COL1A1: variants seen among roughly 807,000 people sequenced by gnomAD.
COL1A1 encodes collagen type I alpha 1 chain, also known as collagen alpha-1(I) chain.
In COL1A1, 21 loss-of-function variants were observed where a neutral mutation model predicts 195.7. The ratio of observed to expected loss-of-function variants is 0.11; its 90% CI spans 0.08 to 0.15. The LOEUF (loss-of-function observed/expected upper bound fraction) is 0.15, where lower values mean the gene tolerates loss of function less well. Among genes scored for constraint, COL1A1 ranks in the 10% least tolerant of loss-of-function variants. The pLI is 1.00. For synonymous variants in COL1A1, 749 were observed against 747.3 expected (o/e 1.00, Z -0.04); for missense variants, 1,365 against 2,051.0 (o/e 0.67, Z 6.46).
chr17:50,189,057 C>T lies in COL1A1; in HGVS notation c.2938-47G>A, dbSNP rs1457485728. On this transcript the variant is annotated intron_variant, in intron 40 of 50. Coordinates refer to ENST00000225964, the MANE Select transcript of COL1A1 (RefSeq NM_000088.4). The surrounding 1 kb of genome is among the most constrained non-coding windows in gnomAD (Gnocchi z 5.5). ...GGCCAGAGATAGGGTCTGGGAGGAC[C>T]CTTGAGTCCGCTGGAGTCATCTCTA... 3 of 1,580,232 alleles carry T rather than the reference C, an allele frequency of 1.9e-6. No homozygotes were observed. In the South Asian group the frequency reaches 3.3e-5, roughly 17 times the overall value.
rs765449262 is a variant in COL1A1 at position 50,192,690 on chromosome 17, G to A, written c.1879C>T (p.Pro627Ser). The change falls in exon 28 of 51, where the codon CCC (proline) becomes TCC (serine). Residue 627 changes from proline to serine, a missense_variant. Transcript: ENST00000225964. The part of the protein sequence containing the change: ...GAQGPPGPAG[P>S]AGERGEQGPA... ...CCTTGTTCACCTCTCTCGCCAGCGG[G>A]ACCCTGCACAGAGAGAACACTACAG... is the stretch of plus-strand genomic sequence containing the variant. 14 of 1,614,100 alleles carry A rather than the reference G, an allele frequency of 8.7e-6. No homozygotes were observed. The highest frequency in any genetic ancestry group is 1.2e-5 in the Non-Finnish European group (14 of 1,180,050).
chr17:50,191,328 G>T, intron 32 of COL1A1, 55 bp downstream of exon 32: 2 of 1,441,798 alleles, frequency 1.4e-6, no homozygotes, highest in Non-Finnish European at 9.8e-7. Flanking sequence ...GAGATTCAAA[G>T]CAGGCAGAGA....
At chr17:50,197,523 G>C (rs1907698690) in intron 9 of COL1A1, among the ~76,000 whole-genome samples, 1 of 152,230 alleles carries the variant, frequency 6.6e-6, no homozygotes, top group African/African-American at 2.4e-5. Context: ...CTCTAAGGTG[G>C]CTGGGGTGAG....
Position 50,196,346 on chromosome 17 carries a change from C to T in COL1A1, c.925G>A (p.Glu309Lys). 1.2e-6 allele frequency: 2 copies of T among 1,612,654 alleles called. No homozygotes were observed. Among genetic ancestry groups the T allele is most frequent in the Non-Finnish European group, 1.7e-6 (2 of 1,179,224 alleles). The change falls in exon 14 of 51, where the codon GAG becomes AAG. Residue 309 changes from glutamate (E) to lysine (K), a missense_variant. Around this residue, in one of 5 missense-constraint regions of COL1A1, gnomAD observed 226 missense variants for 372.9 expected, o/e 0.61. Transcript: ENST00000225964. ...GQMGPRGLPG[E>K]RGRPGAPGPA... ...CCAGGGGCTCCAGGGCGACCTCTCT[C>T]ACCAGGCAGGCCACGGGGGCCCTGA... is the stretch of plus-strand genomic sequence containing the variant.
rs1052919943 is a variant in COL1A1, at chr17:50,197,950, G to A, written c.641C>T (p.Ser214Leu). 1.2e-6 allele frequency: 2 copies of A among 1,614,036 alleles called. No homozygotes were observed. Among genetic ancestry groups the A allele is most frequent in the Non-Finnish European group, 1.7e-6 (2 of 1,179,950 alleles). ...PPGEPGEPGA[S>L]GPMGPRGPPG... Reference sequence around the variant, plus strand: ...TGAATCTGTATAGAGAGTGCTTACTGAAGCTCCAGGCTCGCCAGGCTCACC... The same window carrying A: ...TGAATCTGTATAGAGAGTGCTTACTAAAGCTCCAGGCTCGCCAGGCTCACC... Residue 214 changes from serine (S) to leucine (L), a missense_variant and splice_region_variant, in exon 8 of 51, where the codon TCA (serine) becomes TTA (leucine). This residue lies in a region of COL1A1 where 226 missense variants were observed against 372.9 expected (regional missense o/e 0.61). Coordinates refer to ENST00000225964, the MANE Select transcript of COL1A1 (RefSeq NM_000088.4).
At position 50,193,841 on chromosome 17, in the gene COL1A1, A is replaced by G. The variant is rs566523625; in HGVS notation, c.1767+102T>C. 1.9e-6 allele frequency: 2 copies of G among 1,045,486 alleles called. 1 individual carries two copies. The highest frequency in any genetic ancestry group is 3.6e-5 in the Admixed American group (2 of 55,094). 64.8% of individuals were successfully genotyped at this position (1,045,486 alleles called of 1,614,324 possible). ...GTCCAGAAAGTGAGAGTGAGTGGCC[A>G]CACGGCAGGTCAGCGGCACAGCTGA... On this transcript the variant is annotated intron_variant, in intron 25 of 50. Coordinates refer to ENST00000225964, the MANE Select transcript of COL1A1 (RefSeq NM_000088.4).
intron 30 of COL1A1, 44 bp downstream of exon 30, chr17:50,191,936 A>C (rs377113578): frequency 1.2e-6 from 2 of 1,609,736 alleles, no homozygotes; most frequent in Non-Finnish European, 1.7e-6. Context: ...GATAGGGCCA[A>C]GTACGACGCA....
chr17:50,196,578 G>A, intron 12 of COL1A1, 39 bp downstream of exon 12: 1 of 1,614,080 alleles, frequency 6.2e-7, no homozygotes, highest in Non-Finnish European at 8.5e-7. Context: ...GTGGGACTCT[G>A]GGGATGTGGA....
At position 50,185,985 on chromosome 17, in the gene COL1A1, A is replaced by G. The variant is rs745797859; in HGVS notation, c.4041T>C (p.Asp1347=). 11 of 1,613,406 alleles carry G rather than the reference A, an allele frequency of 6.8e-6. No individual in the cohort carries two copies. In the African/African-American group the frequency reaches 1.1e-4, roughly 16 times the overall value. The part of the protein sequence containing the change: ...EYGGQGSDPA[D]VAIQLTFLRL... ...GCAGGAAGGTCAGCTGGATGGCCAC[A>G]TCGGCAGGGTCGGAGCCCTGGCCGC... is the stretch of plus-strand genomic sequence containing the variant. The change falls in exon 50 of 51, where the codon GAT becomes GAC. Residue 1347 remains aspartate, a synonymous_variant. Transcript: ENST00000225964.
Position 50,190,312 on chromosome 17 carries a change from G to T in COL1A1, c.2451+15C>A. 6.4e-7 allele frequency: 1 copy of T among 1,551,472 alleles called. No individual in the cohort carries two copies. Among genetic ancestry groups the T allele is most frequent in the Non-Finnish European group, 8.9e-7 (1 of 1,123,524 alleles). Reference sequence around the variant, plus strand: ...CCAGTCGGTGATGAAAAATGATGGGGGTCTTGGTACTCACAGGGGGGCCAG... The same window carrying T: ...CCAGTCGGTGATGAAAAATGATGGGTGTCTTGGTACTCACAGGGGGGCCAG... On this transcript the variant is annotated intron_variant, in intron 35 of 50. Transcript: ENST00000225964. The surrounding 1 kb of genome is among the most constrained non-coding windows in gnomAD (Gnocchi z 4.7).
Position 50,190,536 on chromosome 17 carries a change from T to TTC in COL1A1, c.2397+6_2397+7insGA. ...GTATGGGGTCTTAACAGGTCTTCTGTACTTACGGGGGCACCACGAGCTCCA... is the reference window on the plus strand; with the variant it reads ...GTATGGGGTCTTAACAGGTCTTCTGTTCACTTACGGGGGCACCACGAGCTCCA... On this transcript the variant is annotated splice_region_variant and intron_variant, in intron 34 of 50. Transcript: ENST00000225964. This position sits in a 1 kb window ranked among gnomAD's most constrained non-coding sequence, Gnocchi z 4.7. 6.2e-7 allele frequency: 1 copy of TTC among 1,611,986 alleles called. No individual in the cohort carries two copies. Among genetic ancestry groups the TTC allele is most frequent in the Non-Finnish European group, 8.5e-7 (1 of 1,178,894 alleles).
In COL1A1 at chr17:50,187,550, T is replaced by C. The variant is rs1252595678; in HGVS notation, c.3370-13A>G. ...CACCAGGAGAGCCCTGAAGGACAGA[T>C]AAAAAAGGCAGTTCAGGCCCAGTGA... On this transcript the variant is annotated splice_polypyrimidine_tract_variant and intron_variant, in intron 45 of 50. Coordinates refer to ENST00000225964, the MANE Select transcript of COL1A1 (RefSeq NM_000088.4). The C allele has an allele frequency of 6.2e-7, 1 of 1,613,712 alleles. No homozygotes were observed. Among genetic ancestry groups the C allele is most frequent in the South Asian group, 1.1e-5 (1 of 91,062 alleles).
Position 50,196,329 on chromosome 17 carries a change from T to C in COL1A1, c.942A>G (p.Gly314=), listed in dbSNP as rs1254010804. The C allele has an allele frequency of 6.2e-7, 1 of 1,610,420 alleles. No individual in the cohort carries two copies. Among genetic ancestry groups the C allele is most frequent in the African/African-American group, 1.3e-5 (1 of 74,958 alleles). The change falls in exon 14 of 51, where the codon GGA becomes GGG. Residue 314 remains glycine, a synonymous_variant. Transcript: ENST00000225964. The part of the protein sequence containing the change: ...RGLPGERGRP[G]APGPAGARGN... Reference sequence around the variant, plus strand: ...GAGTACTTACAGCAGGGCCAGGGGCTCCAGGGCGACCTCTCTCACCAGGCA... The same window carrying C: ...GAGTACTTACAGCAGGGCCAGGGGCCCCAGGGCGACCTCTCTCACCAGGCA...
In COL1A1 at chr17:50,195,952, G is replaced by A; in HGVS notation, c.1027C>T (p.Pro343Ser). The change falls in exon 16 of 51, where the codon CCT (proline) becomes TCT (serine). Residue 343 changes from proline to serine, a missense_variant. Transcript: ENST00000225964. This position sits in a 1 kb window ranked among gnomAD's most constrained non-coding sequence, Gnocchi z 4.3. ...GCACCAACAGCACCAGGGAAGCCAG[G>A]AGGACCAGCGGGGCCGGTGGGACCC... ...PPGPTGPAGP[P>S]GFPGAVGAKG... is the part of the protein sequence containing the mutation. The A allele has an allele frequency of 6.3e-7, 1 of 1,594,102 alleles. No homozygotes were observed. Among genetic ancestry groups the A allele is most frequent in the East Asian group, 2.3e-5 (1 of 44,154 alleles).
chr17:50,197,094 C>T (rs200574236), intron 10 of COL1A1, 31 bp from the exon 11 acceptor site: 1 of 1,614,128 alleles, frequency 6.2e-7, no homozygotes, highest in East Asian at 2.2e-5. Flanking sequence ...CAAGGAAGGG[C>T]CATTAGAACA....
chr17:50,185,852 C>T lies in COL1A1; in HGVS notation c.4174G>A (p.Gly1392Ser), dbSNP rs377379528. The T allele has an allele frequency of 8.7e-6, 14 of 1,614,012 alleles. No homozygotes were observed. The South Asian group carries it at 8.8e-5, about 10-fold the overall frequency. Residue 1392 changes from glycine (G) to serine (S), a missense_variant, in exon 50 of 51, where the codon GGC becomes AGC. By Grantham distance (56) the Gly-to-Ser change is moderately conservative. Coordinates refer to ENST00000225964, the MANE Select transcript of COL1A1 (RefSeq NM_000088.4). ...GNLKKALLLQ[G>S]SNEIEIRAEG... ...GCGCGGATCTCGATCTCGTTGGAGC[C>T]CTGGAGGAGCAGGGCCTTCTTGAGG... is the stretch of plus-strand genomic sequence containing the variant.
Position 50,194,872 on chromosome 17 carries a change from A to C in COL1A1, c.1354-44T>G. The C allele has an allele frequency of 6.4e-7, 1 of 1,560,800 alleles. No homozygotes were observed. The highest frequency in any genetic ancestry group is 8.7e-7 in the Non-Finnish European group (1 of 1,144,652). ...AGGAGGCGGCCTGTGGTGAGGGGCC[A>C]TCCTGTGCCAGCCTCAGAGCCGGCT... On this transcript the variant is annotated intron_variant, in intron 20 of 50. Coordinates refer to ENST00000225964, the MANE Select transcript of COL1A1 (RefSeq NM_000088.4). This position sits in a 1 kb window ranked among gnomAD's most constrained non-coding sequence, Gnocchi z 6.8.
rs1228755227 is a variant in COL1A1, at chr17:50,198,009, A to G, written c.589-7T>C. 1 of 1,613,962 alleles carries G rather than the reference A, an allele frequency of 6.2e-7. No homozygotes were observed. The highest frequency in any genetic ancestry group is 1.3e-5 in the African/African-American group (1 of 74,972). On this transcript the variant is annotated splice_polypyrimidine_tract_variant and splice_region_variant and intron_variant, in intron 7 of 50. Coordinates refer to ENST00000225964, the MANE Select transcript of COL1A1 (RefSeq NM_000088.4). Reference sequence around the variant, plus strand: ...CTTGGAAGCCTTGGGGACCCTTGAGAAGAAGGAAAAAGATGGGTTAGAAGA... The same window carrying G: ...CTTGGAAGCCTTGGGGACCCTTGAGGAGAAGGAAAAAGATGGGTTAGAAGA...
chr17:50,196,684 G>A lies in COL1A1; in HGVS notation c.805-14C>T. The A allele has an allele frequency of 2.5e-6, 4 of 1,614,212 alleles. No individual in the cohort carries two copies. Among genetic ancestry groups the A allele is most frequent in the Non-Finnish European group, 3.4e-6 (4 of 1,180,026 alleles). On this transcript the variant is annotated splice_polypyrimidine_tract_variant and intron_variant, in intron 11 of 50. Transcript: ENST00000225964. ...ACCACTGAAACCCTAAAGCAGGAAA[G>A]AGGTAGAAGGTAAGAACCTGTGGAG...
Sources: allele counts gnomAD v4.1 joint callset (sites outside exome capture counted in the v4.1 genomes callset), GRCh38; gene constraint gnomAD v4.1.1; regional missense constraint gnomAD v4.1.1; non-coding constraint Gnocchi (gnomAD v3.1); transcripts MANE v1.5; gene names NCBI Gene and HGNC (gene_info 2026-07-23, HGNC 2026-07-21).